The following NBEA variants were observed in gnomAD, a reference collection of about 807,000 sequenced individuals.
The protein encoded by NBEA is lysosomal-trafficking regulator 2.
Under a neutral mutation model 343.4 loss-of-function variants are expected in NBEA, and 44 were observed. The ratio of observed to expected loss-of-function variants is 0.13; its 90% CI spans 0.10 to 0.16. The LOEUF is 0.16. NBEA is among the 10% of genes least tolerant of loss of function. The pLI is 1.00. For missense variants in NBEA, 2,555 were observed against 3,631.3 expected (o/e 0.70, Z 7.62); for synonymous variants, 1,175 against 1,238.7 (o/e 0.95, Z 1.08).
chr13:35,491,715 G>A (rs1202520538), intron 41 of NBEA, among the ~76,000 whole-genome samples: 1 of 151,812 alleles, frequency 6.6e-6, no homozygotes, highest in African/African-American at 2.4e-5. Flanking sequence ...AGGCAATATA[G>A]AATGAGAAAA....
chr13:35,266,796 AAC>A (rs1327153700), intron 34 of NBEA, among the ~76,000 whole-genome samples: 1 of 151,884 alleles, frequency 6.6e-6, no homozygotes, highest in Non-Finnish European at 1.5e-5. Flanking sequence ...GTTAACAATA[AAC>A]AGTTATCCCA....
intron 37 of NBEA, 38 bp from the exon 38 acceptor site, chr13:35,352,119 A>G (rs946976770): frequency 2.3e-6 from 3 of 1,297,198 alleles, no homozygotes; most frequent in Non-Finnish European, 3.0e-6. Flanking sequence ...TATGCAGTAA[A>G]AAGTTTATTA....
intron 38 of NBEA, among the ~76,000 whole-genome samples, chr13:35,411,702 T>C (rs1487659074): frequency 1.3e-5 from 2 of 152,024 alleles, no homozygotes; most frequent in Non-Finnish European, 2.9e-5. Context: ...CATACCATGT[T>C]ATCCAGGCTG....
chr13:35,107,018 G>A (rs764886699), intron 11 of NBEA, among the ~76,000 whole-genome samples: 3 of 151,726 alleles, frequency 2.0e-5, no homozygotes, highest in African/African-American at 4.8e-5. Flanking sequence ...CTATTTTAGA[G>A]TTTTAAGTGT....
Position 35,172,838 on chromosome 13 carries a change from G to C in NBEA, c.4424-626G>C, listed in dbSNP as rs75934207. 8.9e-4 allele frequency among the ~76,000 whole-genome samples: 136 copies of C among 152,076 alleles called. 1 individual carries two copies. In the East Asian group the frequency reaches 0.024, roughly 27 times the overall value. ...CTGGAAAATACAGGATTCAAACTCA[G>C]GTCACGGTCTGATTTCAAACTCTGT... On this transcript the variant is annotated intron_variant, in intron 26 of 58. Transcript: ENST00000379939.
At chr13:35,362,366 G>A (rs1281473676) in intron 38 of NBEA, among the ~76,000 whole-genome samples, 1 of 151,774 alleles carries the variant, frequency 6.6e-6, no homozygotes, top group Non-Finnish European at 1.5e-5. Flanking sequence ...GTATATGTGT[G>A]TTTTATATAA....
intron 34 of NBEA, among the ~76,000 whole-genome samples, chr13:35,269,464 A>G (rs901630611): frequency 1.3e-5 from 2 of 152,154 alleles, no homozygotes; most frequent in African/African-American, 4.8e-5. Context: ...AATATGGGGG[A>G]TGCATATTCC....
Position 35,606,557 on chromosome 13 carries a change from C to T in NBEA, c.7428C>T (p.Asp2476=), listed in dbSNP as rs932481029. 1 of 1,604,144 alleles carries T rather than the reference C, an allele frequency of 6.2e-7. No homozygotes were observed. The highest frequency in any genetic ancestry group is 8.5e-7 in the Non-Finnish European group (1 of 1,173,792). Residue 2476 remains aspartate, a synonymous_variant, in exon 48 of 59, where the codon GAC becomes GAT. Transcript: ENST00000379939. ...DLPPWAKKPE[D]FVRINRMALE... is the part of the protein sequence containing the mutation. ...CCCCTTGGGCAAAAAAACCTGAAGA[C>T]TTTGTGCGGATCAACAGGATGGTAA...
intron 49 of NBEA, among the ~76,000 whole-genome samples, chr13:35,635,486 G>T (rs2083654936): frequency 6.6e-6 from 1 of 152,088 alleles, no homozygotes; most frequent in Admixed American, 6.5e-5. Context: ...TTACTGGGAT[G>T]AAAATTTTAA....
At chr13:35,557,568 G>A (rs9600949) in intron 44 of NBEA, among the ~76,000 whole-genome samples, 3,993 of 152,088 alleles carry the variant, frequency 0.026, 174 homozygotes, top group African/African-American at 0.091. Context: ...ATAACATGAA[G>A]ATTATATGGG....
chr13:35,348,663 C>G (rs1448564232), intron 36 of NBEA, among the ~76,000 whole-genome samples: 2 of 151,866 alleles, frequency 1.3e-5, no homozygotes, highest in Non-Finnish European at 2.9e-5. Flanking sequence ...TCAAATTTAA[C>G]TGGGCATCCT....
chr13:35,282,128 C>T (rs938493413), intron 34 of NBEA, among the ~76,000 whole-genome samples: 2 of 151,742 alleles, frequency 1.3e-5, no homozygotes, highest in East Asian at 3.9e-4. Flanking sequence ...CCGTGTTAGC[C>T]AGGATGATAT....
chr13:35,569,334 A>T (rs2153027685), intron 45 of NBEA, among the ~76,000 whole-genome samples: 1 of 152,222 alleles, frequency 6.6e-6, no homozygotes, highest in East Asian at 1.9e-4. Context: ...TTTATTTAAC[A>T]TAAATTGAAT....
chr13:35,078,684 TA>T (rs1668708466), intron 10 of NBEA, among the ~76,000 whole-genome samples: 1 of 152,140 alleles, frequency 6.6e-6, no homozygotes, highest in African/African-American at 2.4e-5. Context: ...TTGGGAATAA[TA>T]ATGCAATCTC....
At chr13:35,060,383 G>A (rs559727414) in intron 8 of NBEA, among the ~76,000 whole-genome samples, 2 of 151,698 alleles carry the variant, frequency 1.3e-5, no homozygotes, top group Admixed American at 6.6e-5. Context: ...CTTTTCACAC[G>A]TCTTTCTTGT....
At position 35,109,304 on chromosome 13, in the gene NBEA, T is replaced by C; in HGVS notation, c.1695T>C (p.His565=). Residue 565 remains histidine (H), a synonymous_variant, in exon 12 of 59, where the codon CAT becomes CAC. Transcript: ENST00000379939. ...TTCTTTCTTAGTCATCAAGAGTTCA[T>C]ATAACTAGAGCTGTCCTGGAGCAAT... is the stretch of plus-strand genomic sequence containing the variant. ...GYLLEKSSRV[H]ITRAVLEQFL... 2.5e-6 allele frequency: 4 copies of C among 1,600,958 alleles called. No individual in the cohort carries two copies. The highest frequency in any genetic ancestry group is 2.7e-5 in the African/African-American group (2 of 74,412).
chr13:35,349,136 A>G lies in NBEA; in HGVS notation c.5932A>G (p.Ile1978Val), dbSNP rs2152862971. 6.2e-7 allele frequency: 1 copy of G among 1,606,760 alleles called. No individual in the cohort carries two copies. Among genetic ancestry groups the G allele is most frequent in the East Asian group, 2.2e-5 (1 of 44,612 alleles). The stretch of plus-strand genomic sequence containing the variant: ...ACTGTGCCATGCTATGAAGGACCAT[A>G]TAGTCCGTGTTGCAAATGAAGCTGA... ...RLLCHAMKDH[I>V]VRVANEAEFI... is the part of the protein sequence containing the mutation. The change falls in exon 37 of 59, where the codon ATA becomes GTA. Residue 1978 changes from isoleucine (I) to valine (V), a missense_variant. Physicochemically the swap from Ile to Val is conservative, Grantham distance 29 (BLOSUM62 3). Coordinates refer to ENST00000379939, the MANE Select transcript of NBEA (RefSeq NM_001385012.1).
intron 48 of NBEA, among the ~76,000 whole-genome samples, chr13:35,614,311 A>T (rs1206738547): frequency 2.0e-5 from 3 of 152,112 alleles, no homozygotes; most frequent in Non-Finnish European, 2.9e-5. Context: ...TTTTTTACTT[A>T]AAAAAGTCAA....
At chr13:35,153,873 G>T (rs2068964484) in intron 18 of NBEA, among the ~76,000 whole-genome samples, 1 of 152,122 alleles carries the variant, frequency 6.6e-6, no homozygotes, top group Non-Finnish European at 1.5e-5. Context: ...CTGGGCTATA[G>T]GTACACACCA....
Sources: allele counts gnomAD v4.1 joint callset (sites outside exome capture counted in the v4.1 genomes callset), GRCh38; gene constraint gnomAD v4.1.1; transcripts MANE v1.5; gene names NCBI Gene and HGNC (gene_info 2026-07-23, HGNC 2026-07-21).